Variants in NRXN1 observed in about 807,000 individuals in gnomAD.
The protein encoded by NRXN1 is neurexin 1.
NRXN1 carries 39 observed loss-of-function variants against 150.9 expected under a neutral mutation model. The ratio of observed to expected loss-of-function variants is 0.26; its 90% CI spans 0.20 to 0.34. NRXN1 has a LOEUF of 0.34. Ranked by LOEUF, NRXN1 falls within the 10% of genes least tolerant of loss-of-function variation. The pLI, the probability that NRXN1 is intolerant of heterozygous loss-of-function variation, is 1.00. For missense variants in NRXN1, 1,815 were observed against 1,949.9 expected, an observed-to-expected ratio of 0.93 and a Z score of 1.30; for synonymous variants, 924 against 757.0, an observed-to-expected ratio of 1.22 and a Z score of -3.62.
intron 5 of NRXN1, among the ~76,000 whole-genome samples, chr2:50,751,833 G>A (rs1348609633): frequency 6.6e-6 from 1 of 151,892 alleles, no homozygotes; most frequent in African/African-American, 2.4e-5. Context: ...ACTTTCCACA[G>A]GTGTCACTTC....
intron 5 of NRXN1, among the ~76,000 whole-genome samples, chr2:50,752,245 A>G (rs575138905): frequency 1.3e-5 from 2 of 152,096 alleles, no homozygotes; most frequent in South Asian, 4.1e-4. Context: ...TTATATTTGT[A>G]CAATTATTCC....
chr2:50,560,137 T>A (rs1446317216), intron 8 of NRXN1, among the ~76,000 whole-genome samples: 2 of 152,314 alleles, frequency 1.3e-5, no homozygotes, highest in Admixed American at 6.5e-5. Flanking sequence ...CAAAATCAAG[T>A]TTCTTATGCT....
At chr2:50,358,195 C>G (rs1233281767) in intron 17 of NRXN1, among the ~76,000 whole-genome samples, 2 of 152,174 alleles carry the variant, frequency 1.3e-5, no homozygotes, top group East Asian at 3.9e-4. Flanking sequence ...GTTTTTCTTT[C>G]TACCCCAGTA....
intron 5 of NRXN1, among the ~76,000 whole-genome samples, chr2:50,714,347 G>C (rs1224541460): frequency 6.6e-6 from 1 of 152,108 alleles, no homozygotes; most frequent in Admixed American, 6.6e-5. Context: ...AATATATTAA[G>C]AGAAATCTGT....
At chr2:50,762,140 C>T (rs937191724) in intron 5 of NRXN1, among the ~76,000 whole-genome samples, 8 of 151,644 alleles carry the variant, frequency 5.3e-5, no homozygotes, top group Non-Finnish European at 7.4e-5. Flanking sequence ...CACACACACA[C>T]ACACACACAC....
intron 5 of NRXN1, among the ~76,000 whole-genome samples, chr2:50,804,109 T>C (rs1201468347): frequency 6.6e-6 from 1 of 152,214 alleles, no homozygotes; most frequent in Admixed American, 6.5e-5. Flanking sequence ...TCTTACCCCT[T>C]TCAAACAGCG....
intron 22 of NRXN1, 31 bp downstream of exon 22, chr2:49,943,673 G>C: frequency 6.8e-7 from 1 of 1,464,914 alleles, no homozygotes. Context: ...TTACAGTAAA[G>C]CCAAGGAAGT....
intron 5 of NRXN1, among the ~76,000 whole-genome samples, chr2:50,706,751 TA>T (rs1397756081): frequency 1.3e-5 from 2 of 152,166 alleles, no homozygotes. Flanking sequence ...GGTGCATTTT[TA>T]ATTTCAATAT....
intron 2 of NRXN1, among the ~76,000 whole-genome samples, chr2:51,002,231 C>T (rs1575181332): frequency 1.3e-5 from 2 of 151,948 alleles, no homozygotes; most frequent in South Asian, 2.1e-4. Context: ...AACCATGAAC[C>T]CAGAATGGGT....
intron 21 of NRXN1, among the ~76,000 whole-genome samples, chr2:50,021,958 C>A (rs1183975103): frequency 6.6e-6 from 1 of 152,216 alleles, no homozygotes; most frequent in African/African-American, 2.4e-5. Context: ...TCAAGAGATT[C>A]TCCTGTCTCA....
intron 8 of NRXN1, among the ~76,000 whole-genome samples, chr2:50,569,788 G>T (rs552445363): frequency 6.6e-6 from 1 of 152,064 alleles, no homozygotes; most frequent in African/African-American, 2.4e-5. Flanking sequence ...ACTTCTGCAG[G>T]TGTATAACTG....
chr2:50,283,657 T>C (rs867740759), intron 17 of NRXN1, among the ~76,000 whole-genome samples: 29 of 152,152 alleles, frequency 1.9e-4, no homozygotes, highest in Non-Finnish European at 3.8e-4. Flanking sequence ...TTATTTCTCT[T>C]AGCTTATCCA....
At chr2:50,124,633 C>T (rs1455121085) in intron 18 of NRXN1, among the ~76,000 whole-genome samples, 4 of 152,042 alleles carry the variant, frequency 2.6e-5, no homozygotes, top group Non-Finnish European at 5.9e-5. Context: ...TGCTCAGTTC[C>T]CTTCCTCCAC....
intron 19 of NRXN1, among the ~76,000 whole-genome samples, chr2:50,061,958 C>A (rs1033357740): frequency 6.6e-6 from 1 of 152,086 alleles, no homozygotes; most frequent in African/African-American, 2.4e-5. Context: ...AGACTCCCTT[C>A]CCCCCAATCC....
At chr2:50,752,617 G>T (rs192560858) in intron 5 of NRXN1, among the ~76,000 whole-genome samples, 206 of 151,614 alleles carry the variant, frequency 1.4e-3, no homozygotes, top group South Asian at 0.01. Flanking sequence ...ACTTCAGAAA[G>T]CTTTCATTAA....
chr2:50,196,870 A>G (rs2061804416), intron 18 of NRXN1, among the ~76,000 whole-genome samples: 1 of 152,116 alleles, frequency 6.6e-6, no homozygotes, highest in Non-Finnish European at 1.5e-5. Flanking sequence ...GAACTTACGA[A>G]CACAAAGAAG....
chr2:50,497,767 A>T, intron 13 of NRXN1, 53 bp from the exon 14 acceptor site: 1 of 1,500,234 alleles, frequency 6.7e-7, no homozygotes, highest in Non-Finnish European at 9.0e-7. Context: ...GGCACTTTCA[A>T]CTTTAGGCTT....
chr2:50,165,657 C>T (rs2059636891), intron 18 of NRXN1, among the ~76,000 whole-genome samples: 1 of 152,260 alleles, frequency 6.6e-6, no homozygotes, highest in Non-Finnish European at 1.5e-5. Flanking sequence ...CCAGCCAGCA[C>T]TGTCAACTCA....
chr2:50,768,319 C>T (rs1559233827), intron 5 of NRXN1, among the ~76,000 whole-genome samples: 1 of 152,004 alleles, frequency 6.6e-6, no homozygotes, highest in African/African-American at 2.4e-5. Flanking sequence ...ACTAATATGA[C>T]TTTAGAAAAG....
Sources: gnomAD v4.1 joint callset for allele counts (sites outside exome capture counted in the v4.1 genomes callset) on GRCh38, gnomAD v4.1.1 for gene constraint, MANE v1.5 for transcripts, NCBI Gene and HGNC (gene_info 2026-07-23, HGNC 2026-07-21) for gene names.